RBM25: variants seen among roughly 807,000 people sequenced by gnomAD.
RBM25 encodes the protein RNA-binding protein 25.
Under a neutral mutation model 120.7 loss-of-function variants are expected in RBM25, and 19 were observed. The observed-to-expected ratio is 0.16, with a 90% CI of 0.11 to 0.23. RBM25 has a LOEUF of 0.23. Ranked by LOEUF, RBM25 falls within the 10% of genes least tolerant of loss-of-function variation. RBM25 has a pLI of 1.00. For missense variants in RBM25, 605 were observed against 1,041.5 expected (o/e 0.58, Z 5.77); for synonymous variants, 390 against 326.7 (o/e 1.19, Z -2.09).
In RBM25 at chr14:73,089,964, C is replaced by G. The variant is rs181332832; in HGVS notation, c.543+1803C>G. Among the ~76,000 whole-genome samples the G allele has an allele frequency of 2.4e-3, 369 of 152,148 alleles. 1 individual carries two copies. Among genetic ancestry groups the G allele is most frequent in the African/African-American group, 8.6e-3 (356 of 41,516 alleles). On this transcript the variant is annotated intron_variant, in intron 6 of 18. Coordinates refer to ENST00000261973, the MANE Select transcript of RBM25 (RefSeq NM_021239.3). ...CACCCGGTCAGCATTGCCTGTATTT[C>G]TAAAACATAAGTATAATTTTATGAA...
intron 1 of RBM25, among the ~76,000 whole-genome samples, chr14:73,063,134 T>G (rs1247065528): frequency 6.7e-6 from 1 of 149,914 alleles, no homozygotes; most frequent in African/African-American, 2.4e-5. Flanking sequence ...GGTTCCTGTT[T>G]TTATTATCGT....
chr14:73,099,615 A>G, intron 8 of RBM25, 52 bp from the exon 9 acceptor site: 1 of 1,587,234 alleles, frequency 6.3e-7, no homozygotes, highest in South Asian at 1.2e-5. Flanking sequence ...AACTGTTTAT[A>G]TTGAAGTAGG....
Position 73,109,386 on chromosome 14 carries a change from T to G in RBM25, c.1586T>G (p.Met529Arg), listed in dbSNP as rs1026566214. 6.2e-7 allele frequency: 1 copy of G among 1,613,952 alleles called. No individual in the cohort carries two copies. The highest frequency in any genetic ancestry group is 2.2e-5 in the East Asian group (1 of 44,852). Residue 529 changes from methionine to arginine, a missense_variant, in exon 14 of 19, where the codon ATG (methionine) becomes AGG (arginine). Coordinates refer to ENST00000261973, the MANE Select transcript of RBM25 (RefSeq NM_021239.3). ...AGGTTGCGTGATAGAGAAAAGGAAA[T>G]GGAAGCAGATGAACGAGATAGGAAG... ...QKRLRDREKEMEADERDRKRE... is the reference protein window; with the variant it reads ...QKRLRDREKEREADERDRKRE...
chr14:73,111,946 T>G, intron 16 of RBM25, 144 bp downstream of exon 16: 1 of 1,197,900 alleles, frequency 8.3e-7, no homozygotes, highest in Non-Finnish European at 1.2e-6. Flanking sequence ...CTCAATGCCA[T>G]GGTCAAGAAA....
chr14:73,121,217 A>C lies in RBM25; in HGVS notation c.*1412A>C, dbSNP rs1011715524. ...CTGGATTTTTTTTTTTTTTAAACAC[A>C]CCTGGAGAGGACATTTGAAAACACT... On this transcript the variant is annotated 3_prime_UTR_variant, in exon 19 of 19. Transcript: ENST00000261973. The C allele has an allele frequency of 1.3e-5, 2 of 152,378 alleles. No homozygotes were observed. The highest frequency in any genetic ancestry group is 4.8e-5 in the African/African-American group (2 of 41,432). 9.4% of individuals were successfully genotyped at this position (152,378 alleles called of 1,614,324 possible).
intron 13 of RBM25, 27 bp from the exon 14 acceptor site, chr14:73,109,315 G>A: frequency 6.2e-7 from 1 of 1,601,194 alleles, no homozygotes; most frequent in Non-Finnish European, 8.5e-7. Context: ...AGTATTAAAT[G>A]AAGCCTTTTA....
At position 73,088,089 on chromosome 14, in the gene RBM25, A is replaced by G. The variant is rs115643991; in HGVS notation, c.471A>G (p.Leu157=). The G allele has an allele frequency of 1.1e-5, 17 of 1,614,084 alleles. No homozygotes were observed. In the African/African-American group the frequency reaches 2.1e-4, roughly 20 times the overall value. Residue 157 remains leucine, a synonymous_variant, in exon 6 of 19, where the codon CTA becomes CTG. Coordinates refer to ENST00000261973, the MANE Select transcript of RBM25 (RefSeq NM_021239.3). ...ACCTGCAAATTGGAGAGAAAAAGCT[A>G]CTCGTTAAAGTTGATGCAAAGACAA... ...LHDLQIGEKK[L]LVKVDAKTKA... is the part of the protein sequence containing the mutation.
At position 73,077,411 on chromosome 14, in the gene RBM25, G is replaced by A. The variant is rs143840737; in HGVS notation, c.199G>A (p.Ala67Thr). ...GTCTATGGTTGGAAAGCATTTGGGC[G>A]CAAGAAAGGATCATCCAGGCTTAAA... Reference protein sequence around the residue: ...TVSMVGKHLGARKDHPGLKAK... With the variant: ...TVSMVGKHLGTRKDHPGLKAK... The change falls in exon 4 of 19, where the codon GCA (alanine) becomes ACA (threonine). Residue 67 changes from alanine (A) to threonine (T), a missense_variant. By Grantham distance (58) the Ala-to-Thr change is moderately conservative. This residue lies in a region of RBM25 where 90 missense variants were observed against 107.3 expected (regional missense o/e 0.84). Transcript: ENST00000261973. 34 of 1,613,592 alleles carry A rather than the reference G, an allele frequency of 2.1e-5. No homozygotes were observed. The East Asian group carries it at 5.4e-4, about 25-fold the overall frequency.
Position 73,123,255 on chromosome 14 carries a change from ACTAT to A in RBM25, c.*3453_*3456del, listed in dbSNP as rs922271651. ...GCTTGAGAGCCAATTTGAACTAGAC[ACTAT>A]CTTTTTTTCTCCTTTTTAATGGAAT... On this transcript the variant is annotated 3_prime_UTR_variant, in exon 19 of 19. Coordinates refer to ENST00000261973, the MANE Select transcript of RBM25 (RefSeq NM_021239.3). The A allele has an allele frequency of 6.6e-6, 1 of 152,070 alleles. No homozygotes were observed. The highest frequency in any genetic ancestry group is 2.4e-5 in the African/African-American group (1 of 41,400). 9.4% of individuals were successfully genotyped at this position (152,070 alleles called of 1,614,324 possible).
chr14:73,103,995 C>CTT lies in RBM25; in HGVS notation c.1154+518_1154+519insTT, dbSNP rs1491165027. 8.5e-5 allele frequency among the ~76,000 whole-genome samples: 10 copies of CTT among 117,062 alleles called. No individual in the cohort carries two copies. In the East Asian group the frequency reaches 2.9e-3, roughly 34 times the overall value. The allele number at this position is 117,062 out of a possible 152,430, so 76.8% of individuals were successfully genotyped here. A position where few individuals can be genotyped will look rare whatever the true frequency, so the allele number is the denominator to read the frequency against. ...ACACACACACACACACACACACACA[C>CTT]TCTCTCTCTCTCTCTCTCTCTCACT... On this transcript the variant is annotated intron_variant, in intron 10 of 18. Transcript: ENST00000261973.
At chr14:73,100,090 T>C (rs1215045447) in intron 9 of RBM25, 2 of 473,730 alleles carry the variant, frequency 4.2e-6, no homozygotes, top group Non-Finnish European at 7.5e-6. Flanking sequence ...AGTGTATTTC[T>C]GGGGGCAGTT....
intron 13 of RBM25, 40 bp from the exon 14 acceptor site, chr14:73,109,302 C>G: frequency 6.3e-7 from 1 of 1,584,720 alleles, no homozygotes; most frequent in Non-Finnish European, 8.6e-7. Context: ...TCTCAATGAT[C>G]GGAGTATTAA....
intron 7 of RBM25, 28 bp from the exon 8 acceptor site, chr14:73,099,352 A>T: frequency 6.3e-7 from 1 of 1,589,556 alleles, no homozygotes; most frequent in South Asian, 1.2e-5. Context: ...TCTTTTTTAA[A>T]AAAGATTCTT....
rs546076054 is a variant in RBM25 at position 73,067,126 on chromosome 14, A to G, written c.-15-4501A>G. ...GCTCTGTCGCCCAGGCTGACGTGCAATGGCACCGTCTCGGCTCACTGCAAC... is the reference window on the plus strand; with the variant it reads ...GCTCTGTCGCCCAGGCTGACGTGCAGTGGCACCGTCTCGGCTCACTGCAAC... On this transcript the variant is annotated intron_variant, in intron 1 of 18. Transcript: ENST00000261973. Among the ~76,000 whole-genome samples the G allele has an allele frequency of 4.0e-5, 6 of 148,160 alleles. No individual in the cohort carries two copies. The East Asian group carries it at 5.9e-4, about 15-fold the overall frequency.
At chr14:73,088,957 G>A (rs1173846526) in intron 6 of RBM25, among the ~76,000 whole-genome samples, 3 of 152,010 alleles carry the variant, frequency 2.0e-5, no homozygotes, top group African/African-American at 7.2e-5. Context: ...CCTGGCCAAC[G>A]TGGCGAAACC....
rs754729710 is a variant in RBM25 at position 73,063,006 on chromosome 14, G to A, written c.-16+4301G>A. Among the ~76,000 whole-genome samples, 31 of 150,898 alleles carry A rather than the reference G, an allele frequency of 2.1e-4. 1 individual carries two copies. Among genetic ancestry groups the A allele is most frequent in the Non-Finnish European group, 4.0e-4 (27 of 67,356 alleles). On this transcript the variant is annotated intron_variant, in intron 1 of 18. Transcript: ENST00000261973. The stretch of plus-strand genomic sequence containing the variant: ...TGGCTAATTTTTTGTATTTTTGGTA[G>A]AGATGGGGTTTCACCATGTCGCCCA...
At chr14:73,066,556 C>T (rs1032032261) in intron 1 of RBM25, among the ~76,000 whole-genome samples, 1 of 149,914 alleles carries the variant, frequency 6.7e-6, no homozygotes, top group African/African-American at 2.5e-5. Flanking sequence ...GAGGCTGAGG[C>T]AGGAGAATCG....
intron 4 of RBM25, among the ~76,000 whole-genome samples, chr14:73,078,800 C>T (rs61985132): frequency 0.056 from 8,504 of 152,146 alleles, 322 homozygotes; most frequent in Non-Finnish European, 0.088. Context: ...GACAAGGTTT[C>T]ATCATGTTAT....
intron 2 of RBM25, among the ~76,000 whole-genome samples, chr14:73,075,478 G>A (rs1021818997): frequency 5.3e-5 from 8 of 151,836 alleles, no homozygotes; most frequent in Non-Finnish European, 8.8e-5. Flanking sequence ...TATTTTCTGC[G>A]AAAGAGCCAG....
Sources: allele counts gnomAD v4.1 joint callset (sites outside exome capture counted in the v4.1 genomes callset), GRCh38; gene constraint gnomAD v4.1.1; regional missense constraint gnomAD v4.1.1; transcripts MANE v1.5; gene names NCBI Gene and HGNC (gene_info 2026-07-23, HGNC 2026-07-21).